The following NUP35 variants were observed in gnomAD, a reference collection of about 807,000 sequenced individuals.
NUP35 encodes the protein nucleoporin 35.
In NUP35, 25 loss-of-function variants were observed where a neutral mutation model predicts 41.5. The observed-to-expected ratio is 0.60, with a 90% CI of 0.44 to 0.84. NUP35 has a LOEUF of 0.84. Among genes scored for constraint, NUP35 ranks in the 40% least tolerant of loss-of-function variants. NUP35 has a pLI of 0.00. For missense variants in NUP35, 396 were observed against 396.6 expected (o/e 1.00, Z 0.01); for synonymous variants, 149 against 130.7 (o/e 1.14, Z -0.96).
chr2:183,138,106 G>C (rs914330648), intron 4 of NUP35, among the ~76,000 whole-genome samples: 28 of 151,816 alleles, frequency 1.8e-4, no homozygotes, highest in Admixed American at 7.2e-4. Flanking sequence ...AAGTCTTAAT[G>C]GGGTATAAGT....
At chr2:183,152,447 C>T (rs954011976) in intron 5 of NUP35, among the ~76,000 whole-genome samples, 1 of 152,100 alleles carries the variant, frequency 6.6e-6, no homozygotes, top group Non-Finnish European at 1.5e-5. Flanking sequence ...CCCACCCTTT[C>T]CCCCGAGTCC....
At chr2:183,146,794 G>T (rs141543020) in intron 4 of NUP35, among the ~76,000 whole-genome samples, 4 of 151,860 alleles carry the variant, frequency 2.6e-5, no homozygotes, top group Non-Finnish European at 4.4e-5. Context: ...ATGGGGTTTC[G>T]CCATGTTGTC....
chr2:183,151,554 G>A lies in NUP35; in HGVS notation c.444G>A (p.Thr148=), dbSNP rs1278032175. The change falls in exon 5 of 9, where the codon ACG becomes ACA. Residue 148 remains threonine (T), a synonymous_variant. Coordinates refer to ENST00000295119, the MANE Select transcript of NUP35 (RefSeq NM_138285.5). ...CAAGTATCGGTCAGCCACGAAAGAC[G>A]ACATTATCTCCTGCCCAGTTGGATC... ...SPASIGQPRK[T]TLSPAQLDPF... 1.9e-6 allele frequency: 3 copies of A among 1,613,980 alleles called. No homozygotes were observed. The highest frequency in any genetic ancestry group is 2.2e-5 in the East Asian group (1 of 44,870).
rs1685739068 is a variant in NUP35 at position 183,158,171 on chromosome 2, A to C, written c.610-112A>C. ...ACTTTACAGCTTTTTACAAGGCATCAAATACGGAATGGAAGTAAATTTATC... is the reference window on the plus strand; with the variant it reads ...ACTTTACAGCTTTTTACAAGGCATCCAATACGGAATGGAAGTAAATTTATC... On this transcript the variant is annotated intron_variant, in intron 6 of 8. Transcript: ENST00000295119. 1.1e-5 allele frequency: 9 copies of C among 805,898 alleles called. No individual in the cohort carries two copies. In the Admixed American group the frequency reaches 3.0e-4, roughly 27 times the overall value. 49.9% of individuals were successfully genotyped at this position (805,898 alleles called of 1,614,324 possible).
chr2:183,127,221 G>C (rs7607102), intron 1 of NUP35, among the ~76,000 whole-genome samples: 54,833 of 151,806 alleles, frequency 0.36, 10,450 homozygotes, highest in Middle Eastern at 0.48. Flanking sequence ...TCAATTGTGA[G>C]GTTTCAGTTC....
chr2:183,119,510 CAA>C, upstream of NUP35, among the ~76,000 whole-genome samples: 1 of 152,148 alleles, frequency 6.6e-6, no homozygotes, highest in Non-Finnish European at 1.5e-5. Flanking sequence ...GAAAGAAACA[CAA>C]GACTTTGCAA....
intron 4 of NUP35, among the ~76,000 whole-genome samples, chr2:183,135,855 C>T (rs953489185): frequency 1.3e-5 from 2 of 151,498 alleles, no homozygotes; most frequent in African/African-American, 4.9e-5. Flanking sequence ...AGAACAAGAC[C>T]CTATCTCAAG....
intron 5 of NUP35, among the ~76,000 whole-genome samples, chr2:183,153,285 T>G (rs1042303952): frequency 6.6e-6 from 1 of 152,160 alleles, no homozygotes; most frequent in Non-Finnish European, 1.5e-5. Context: ...TCCTCACGTT[T>G]CAAAACCAAT....
intron 3 of NUP35, chr2:183,131,084 A>G (rs770309104): frequency 1.3e-4 from 54 of 418,970 alleles, no homozygotes; most frequent in Non-Finnish European, 1.8e-4. Flanking sequence ...GGTTCAACCA[A>G]TCCTCCTGCC....
At chr2:183,156,063 G>C (rs1319448520) in intron 5 of NUP35, among the ~76,000 whole-genome samples, 3 of 152,130 alleles carry the variant, frequency 2.0e-5, no homozygotes, top group Non-Finnish European at 4.4e-5. Context: ...TTAGGGTTAT[G>C]AAATATTCAT....
intron 4 of NUP35, among the ~76,000 whole-genome samples, chr2:183,135,806 A>C (rs753746086): frequency 1.8e-4 from 27 of 152,076 alleles, no homozygotes; most frequent in Non-Finnish European, 2.9e-4. Flanking sequence ...CGAGGTTGCA[A>C]GGGAGCTGAT....
intron 1 of NUP35, 119 bp from the exon 2 acceptor site, chr2:183,128,168 A>G (rs1007754349): frequency 5.2e-6 from 3 of 577,202 alleles, no homozygotes; most frequent in South Asian, 4.7e-5. Context: ...TGGTTCTATT[A>G]TATCTAAAAG....
chr2:183,144,218 C>G (rs867656201), intron 4 of NUP35, among the ~76,000 whole-genome samples: 3 of 152,144 alleles, frequency 2.0e-5, no homozygotes, highest in Non-Finnish European at 4.4e-5. Flanking sequence ...TGTTATCCTC[C>G]CAGCGTCAAT....
chr2:183,156,488 C>T (rs562439243), intron 5 of NUP35, among the ~76,000 whole-genome samples: 115 of 152,168 alleles, frequency 7.6e-4, no homozygotes, highest in African/African-American at 2.6e-3. Context: ...TACAGGTGCC[C>T]GCCACCATGC....
At chr2:183,126,734 C>A (rs539444976) in intron 1 of NUP35, among the ~76,000 whole-genome samples, 3 of 151,112 alleles carry the variant, frequency 2.0e-5, no homozygotes, top group Non-Finnish European at 4.4e-5. Flanking sequence ...TGGCAGCTTT[C>A]GGATATTAAG....
At chr2:183,123,616 T>C (rs2105528695), upstream of NUP35, among the ~76,000 whole-genome samples, 1 of 152,308 alleles carries the variant, frequency 6.6e-6, no homozygotes, top group African/African-American at 2.4e-5. Context: ...GCAGAGAACG[T>C]CCCCAGTTAT....
At chr2:183,135,280 T>C (rs1220255372) in intron 4 of NUP35, among the ~76,000 whole-genome samples, 1 of 152,192 alleles carries the variant, frequency 6.6e-6, no homozygotes, top group Non-Finnish European at 1.5e-5. Context: ...AGGGGGCAAG[T>C]AAACTTTACT....
chr2:183,140,010 C>T (rs921430424), intron 4 of NUP35, among the ~76,000 whole-genome samples: 1 of 152,188 alleles, frequency 6.6e-6, no homozygotes, highest in Non-Finnish European at 1.5e-5. Flanking sequence ...TCCAACTTGG[C>T]AAGGCATGAT....
chr2:183,141,906 G>A (rs1055016755), intron 4 of NUP35, among the ~76,000 whole-genome samples: 1 of 152,136 alleles, frequency 6.6e-6, no homozygotes, highest in African/African-American at 2.4e-5. Flanking sequence ...TTTATGTCCT[G>A]ATTTTGGTGA....
Sources: gnomAD v4.1 joint callset for allele counts (sites outside exome capture counted in the v4.1 genomes callset) on GRCh38, gnomAD v4.1.1 for gene constraint, MANE v1.5 for transcripts, NCBI Gene and HGNC (gene_info 2026-07-23, HGNC 2026-07-21) for gene names.